The following DPP9 variants were observed in gnomAD, a reference collection of about 807,000 sequenced individuals.
DPP9 encodes the protein dipeptidyl peptidase 9.
A neutral mutation model predicts 110.7 loss-of-function variants in DPP9; 50 were observed. That is an observed-to-expected ratio of 0.45 (90% confidence interval 0.36 to 0.57). DPP9 has a LOEUF of 0.57. DPP9 is among the 20% of genes least tolerant of loss of function. The pLI, the probability that DPP9 is intolerant of heterozygous loss-of-function variation, is 0.00. For missense variants in DPP9, 1,022 were observed against 1,217.9 expected (o/e 0.84, Z 2.39); for synonymous variants, 561 against 514.4 (o/e 1.09, Z -1.23).
At position 4,685,658 on chromosome 19, in the gene DPP9, G is replaced by C; in HGVS notation, c.1999C>G (p.Pro667Ala). 1 of 1,611,712 alleles carries C rather than the reference G, an allele frequency of 6.2e-7. No homozygotes were observed. Reference protein sequence around the residue: ...PHALQPGKKHPTVLFVYGGPQ... With the variant: ...PHALQPGKKHATVLFVYGGPQ... ...CCTCCATATACAAAGAGGACGGTGG[G>C]GTGCTTCTTCCCTGGCTGCAAGGCG... Residue 667 changes from proline (P) to alanine (A), a missense_variant, in exon 17 of 22, where the codon CCC becomes GCC. Coordinates refer to ENST00000262960, the MANE Select transcript of DPP9 (RefSeq NM_139159.5). The surrounding 1 kb of genome is among the most constrained non-coding windows in gnomAD (Gnocchi z 5.8).
rs996660172 is a variant in DPP9, at chr19:4,685,920, GT to G, written c.1886-150del. 52 of 851,972 alleles carry G rather than the reference GT, an allele frequency of 6.1e-5. No homozygotes were observed. The highest frequency in any genetic ancestry group is 3.7e-4 in the Middle Eastern group (1 of 2,686). 52.8% of individuals were successfully genotyped at this position (851,972 alleles called of 1,614,324 possible). On this transcript the variant is annotated intron_variant, in intron 16 of 21. Transcript: ENST00000262960. The surrounding 1 kb of genome is among the most constrained non-coding windows in gnomAD (Gnocchi z 5.8). Reference sequence around the variant, plus strand: ...CCGAGAGTTGATAATTGAAAAAAACGTTTTTTTTTCATTAAATAAGATTTGT... The same window carrying G: ...CCGAGAGTTGATAATTGAAAAAAACGTTTTTTTTCATTAAATAAGATTTGT...
Position 4,688,922 on chromosome 19 carries a change from C to T in DPP9, c.1750-30G>A, listed in dbSNP as rs199614382. ...GGGTGGAATGGGGTGATGAGCTCCA[C>T]GGGATGCCGCTGCGCCCTTTCCACT... On this transcript the variant is annotated intron_variant, in intron 15 of 21. Coordinates refer to ENST00000262960, the MANE Select transcript of DPP9 (RefSeq NM_139159.5). The T allele has an allele frequency of 5.8e-5, 87 of 1,506,456 alleles. No individual in the cohort carries two copies. The African/African-American group carries it at 7.0e-4, about 12-fold the overall frequency. The allele number at this position is 1,506,456 out of a possible 1,614,324, so 93.3% of individuals were successfully genotyped here. A position where few individuals can be genotyped will look rare whatever the true frequency, so the allele number is the denominator to read the frequency against.
rs377064359 is a variant in DPP9, at chr19:4,695,416, A to G, written c.1315T>C (p.Tyr439His). Residue 439 changes from tyrosine to histidine, a missense_variant, in exon 12 of 22, where the codon TAT becomes CAT. Around this residue, in one of 3 missense-constraint regions of DPP9, gnomAD observed 810 missense variants for 920.6 expected, o/e 0.88. Coordinates refer to ENST00000262960, the MANE Select transcript of DPP9 (RefSeq NM_139159.5). This position sits in a 1 kb window ranked among gnomAD's most constrained non-coding sequence, Gnocchi z 4.7. ...TTGGTGACCTCCTCGTACACCACAT[A>G]CGGCTGGACATTCCTGGGGACAGCT... ...ARAVPRNVQPYVVYEEVTNVW... is the reference protein window; with the variant it reads ...ARAVPRNVQPHVVYEEVTNVW... The G allele has an allele frequency of 1.9e-6, 3 of 1,593,324 alleles. No homozygotes were observed. The highest frequency in any genetic ancestry group is 1.3e-5 in the African/African-American group (1 of 74,178).
rs369330515 is a variant in DPP9 at position 4,714,072 on chromosome 19, C to T, written c.313+9G>A. ...TCCCCGCCCAAGCAGCCTGCAGGGC[C>T]CGGCTTACCCAGGTAGTAGAGGCGG... On this transcript the variant is annotated intron_variant, in intron 4 of 21. Transcript: ENST00000262960. The T allele has an allele frequency of 2.2e-5, 36 of 1,604,988 alleles. No individual in the cohort carries two copies. Among genetic ancestry groups the T allele is most frequent in the Non-Finnish European group, 3.0e-5 (35 of 1,174,982 alleles).
At chr19:4,701,331 G>A (rs2092239277) in intron 9 of DPP9, among the ~76,000 whole-genome samples, 1 of 152,130 alleles carries the variant, frequency 6.6e-6, no homozygotes, top group Non-Finnish European at 1.5e-5. Context: ...AGCTGGGCAT[G>A]GTGGCACACA....
chr19:4,682,847 C>A lies in DPP9; in HGVS notation c.2332-9G>T. ...GCACCCGCGATGGCCACCTGAGGGA[C>A]ACAGCAGACAGATGGGGGCAGAGAG... On this transcript the variant is annotated splice_polypyrimidine_tract_variant and intron_variant, in intron 19 of 21. Transcript: ENST00000262960. The surrounding 1 kb of genome is among the most constrained non-coding windows in gnomAD (Gnocchi z 7.1). 1 of 1,575,500 alleles carries A rather than the reference C, an allele frequency of 6.3e-7. No individual in the cohort carries two copies. The highest frequency in any genetic ancestry group is 1.2e-5 in the South Asian group (1 of 86,052).
chr19:4,701,641 T>G, intron 9 of DPP9, among the ~76,000 whole-genome samples: 1 of 152,214 alleles, frequency 6.6e-6, no homozygotes, highest in Non-Finnish European at 1.5e-5. Context: ...TATCTCAAGG[T>G]GAATTATTTG....
chr19:4,686,383 G>A (rs991714710), intron 16 of DPP9, among the ~76,000 whole-genome samples: 3 of 148,070 alleles, frequency 2.0e-5, no homozygotes, highest in South Asian at 2.1e-4. Context: ...GCAGTGGCAC[G>A]ATCTTGGTTC....
At chr19:4,699,976 G>A (rs970259788) in intron 10 of DPP9, among the ~76,000 whole-genome samples, 2 of 152,210 alleles carry the variant, frequency 1.3e-5, no homozygotes, top group African/African-American at 4.8e-5. Flanking sequence ...ACCGCGGCGT[G>A]GCCTCCAGTC....
chr19:4,684,259 C>G lies in DPP9; in HGVS notation c.2178+404G>C, dbSNP rs901866443. 8 of 269,834 alleles carry G rather than the reference C, an allele frequency of 3.0e-5. No homozygotes were observed. The highest frequency in any genetic ancestry group is 5.8e-5 in the Non-Finnish European group (8 of 138,146). The allele number at this position is 269,834 out of a possible 1,614,324, so 16.7% of individuals were successfully genotyped here. A position where few individuals can be genotyped will look rare whatever the true frequency, so the allele number is the denominator to read the frequency against. ...CTCTGGAGGGTTGCTGACCAGGCAA[C>G]CTCGTGGGAACAGAGAGCAGCCCTC... On this transcript the variant is annotated intron_variant, in intron 18 of 21. Coordinates refer to ENST00000262960, the MANE Select transcript of DPP9 (RefSeq NM_139159.5). The surrounding 1 kb of genome is among the most constrained non-coding windows in gnomAD (Gnocchi z 4.8).
Position 4,704,084 on chromosome 19 carries a change from A to AG in DPP9, c.601-31dup. On this transcript the variant is annotated intron_variant, in intron 6 of 21. Transcript: ENST00000262960. This position sits in a 1 kb window ranked among gnomAD's most constrained non-coding sequence, Gnocchi z 6.0. The stretch of plus-strand genomic sequence containing the variant: ...GGACAGAGACGCCCAGCTCAGGGGG[A>AG]GGGGCCCTCCACGCCACCCCCGCAC... 6.2e-7 allele frequency: 1 copy of AG among 1,613,124 alleles called. No homozygotes were observed. The highest frequency in any genetic ancestry group is 1.1e-5 in the South Asian group (1 of 91,042).
chr19:4,690,272 C>A (rs2091194339), intron 14 of DPP9, among the ~76,000 whole-genome samples: 1 of 152,228 alleles, frequency 6.6e-6, no homozygotes, highest in South Asian at 2.1e-4. Flanking sequence ...GGTCTCGAAA[C>A]AACTGCTGCT....
At position 4,719,871 on chromosome 19, in the gene DPP9, C is replaced by T; in HGVS notation, c.36G>A (p.Glu12=). 6.4e-7 allele frequency: 1 copy of T among 1,551,782 alleles called. No individual in the cohort carries two copies. The highest frequency in any genetic ancestry group is 8.7e-7 in the Non-Finnish European group (1 of 1,147,012). The change falls in exon 3 of 22, where the codon GAG becomes GAA. Residue 12 remains glutamate (E), a synonymous_variant. Coordinates refer to ENST00000262960, the MANE Select transcript of DPP9 (RefSeq NM_139159.5). ...CTCACCTTCTCCAACTTCCGGTGTT[C>T]TCCTTGTCCAGGCGCAGTTTCTTAA... ...RKVKKLRLDK[E]NTGSWRSFSL... is the part of the protein sequence containing the mutation.
chr19:4,715,081 G>A (rs375510496), intron 3 of DPP9, among the ~76,000 whole-genome samples: 7 of 129,822 alleles, frequency 5.4e-5, no homozygotes, highest in Middle Eastern at 5.2e-3. Flanking sequence ...GTGCAGTGGC[G>A]TGATCTCAGA....
chr19:4,717,175 G>A (rs8101703), intron 3 of DPP9, among the ~76,000 whole-genome samples: 116,593 of 152,106 alleles, frequency 0.77, 45,530 homozygotes, highest in African/African-American at 0.88. Context: ...CAGAAGGGGC[G>A]CAGTTTGTTA....
In DPP9 at chr19:4,705,980, G is replaced by T. The variant is rs375378530; in HGVS notation, c.314-10C>A. 6.2e-7 allele frequency: 1 copy of T among 1,611,644 alleles called. No homozygotes were observed. Among genetic ancestry groups the T allele is most frequent in the South Asian group, 1.1e-5 (1 of 90,968 alleles). On this transcript the variant is annotated splice_polypyrimidine_tract_variant and intron_variant, in intron 4 of 21. Transcript: ENST00000262960. ...CTGCCATATGGCATTCCTAAAGGGA[G>T]AAAGGAAACACCCAGAACGGGTACC...
chr19:4,711,668 G>C (rs568118789), intron 4 of DPP9, among the ~76,000 whole-genome samples: 108 of 151,384 alleles, frequency 7.1e-4, no homozygotes, highest in Non-Finnish European at 1.3e-3. Context: ...AGCTACTCGG[G>C]AGGCTGAGGT....
chr19:4,694,863 G>C lies in DPP9; in HGVS notation c.1354-40C>G. On this transcript the variant is annotated intron_variant, in intron 12 of 21. Transcript: ENST00000262960. This position sits in a 1 kb window ranked among gnomAD's most constrained non-coding sequence, Gnocchi z 4.0. ...GATAGAAGATGCGTCAGAAGGTGTG[G>C]GTGGCCGGGCATGGTGGCTCACACC... 6.2e-7 allele frequency: 1 copy of C among 1,604,290 alleles called. No individual in the cohort carries two copies.
chr19:4,683,727 G>A, intron 18 of DPP9, 98 bp from the exon 19 acceptor site: 1 of 1,610,594 alleles, frequency 6.2e-7, no homozygotes. Context: ...TCTCCCTCTT[G>A]GATGAAAAGT....
Sources: gnomAD v4.1 joint callset for allele counts (sites outside exome capture counted in the v4.1 genomes callset) on GRCh38, gnomAD v4.1.1 for gene constraint, gnomAD v4.1.1 regional missense constraint, Gnocchi (gnomAD v3.1) non-coding constraint, MANE v1.5 for transcripts, NCBI Gene and HGNC (gene_info 2026-07-23, HGNC 2026-07-21) for gene names.